Variants in HIPK2 observed in about 807,000 individuals in gnomAD.
HIPK2 encodes the protein homeodomain-interacting protein kinase 2.
A neutral mutation model predicts 113.7 loss-of-function variants in HIPK2; 27 were observed. The ratio of observed to expected loss-of-function variants is 0.24; its 90% CI spans 0.17 to 0.33. The LOEUF is 0.33. Ranked by LOEUF, HIPK2 falls within the 10% of genes least tolerant of loss-of-function variation. The pLI, the probability that HIPK2 is intolerant of heterozygous loss-of-function variation, is 1.00. For missense variants in HIPK2, 1,257 were observed against 1,588.0 expected (o/e 0.79, Z 3.54); for synonymous variants, 631 against 642.2 (o/e 0.98, Z 0.26).
intron 2 of HIPK2, among the ~76,000 whole-genome samples, chr7:139,650,857 CA>C (rs1245314340): frequency 6.6e-6 from 1 of 152,238 alleles, no homozygotes; most frequent in Non-Finnish European, 1.5e-5. Context: ...CTGGGAAGAA[CA>C]CCCTCCAGCC....
rs149149771 is a variant in HIPK2, at chr7:139,760,294, G to A, written c.19+17311C>T. On this transcript the variant is annotated intron_variant, in intron 1 of 14. Coordinates refer to ENST00000406875, the MANE Select transcript of HIPK2 (RefSeq NM_022740.5). ...GCTGGGATTACAGGCGTGAGCCACC[G>A]CACCCGGCCCACATCTACATAGTTT... Among the ~76,000 whole-genome samples the A allele has an allele frequency of 3.0e-3, 457 of 150,858 alleles. 2 individuals carry two copies. Among genetic ancestry groups the A allele is most frequent in the African/African-American group, 0.011 (439 of 40,212 alleles).
chr7:139,703,280 C>T (rs1211002316), intron 2 of HIPK2, among the ~76,000 whole-genome samples: 2 of 152,170 alleles, frequency 1.3e-5, no homozygotes, highest in African/African-American at 4.8e-5. Flanking sequence ...AGAACAGCCA[C>T]ATCATCCTAA....
chr7:139,763,557 G>A lies in HIPK2; in HGVS notation c.19+14048C>T, dbSNP rs943471349. Among the ~76,000 whole-genome samples, 42 of 148,378 alleles carry A rather than the reference G, an allele frequency of 2.8e-4. 1 individual carries two copies. The highest frequency in any genetic ancestry group is 1.0e-3 in the African/African-American group (41 of 40,210). Reference sequence around the variant, plus strand: ...TTCACTCTACAACTTCAGTAACGGCGGCAGAGACCAGATGGCCTGCAAAGC... The same window carrying A: ...TTCACTCTACAACTTCAGTAACGGCAGCAGAGACCAGATGGCCTGCAAAGC... On this transcript the variant is annotated intron_variant, in intron 1 of 14. Transcript: ENST00000406875.
At chr7:139,766,832 T>C in intron 1 of HIPK2, among the ~76,000 whole-genome samples, 1 of 152,176 alleles carries the variant, frequency 6.6e-6, no homozygotes, top group East Asian at 1.9e-4. Context: ...ATTGTGAGGA[T>C]GATATTTGGC....
At chr7:139,645,013 C>T (rs772297913) in intron 2 of HIPK2, among the ~76,000 whole-genome samples, 1 of 152,254 alleles carries the variant, frequency 6.6e-6, no homozygotes, top group Non-Finnish European at 1.5e-5. Context: ...ATTGCTTCAA[C>T]ATTTAGCTTC....
intron 1 of HIPK2, among the ~76,000 whole-genome samples, chr7:139,718,695 A>G (rs1049576372): frequency 3.3e-5 from 5 of 152,158 alleles, no homozygotes; most frequent in African/African-American, 1.2e-4. Flanking sequence ...ATTGGATCCA[A>G]GTATTTAGTA....
chr7:139,692,051 G>A (rs1212073700), intron 2 of HIPK2, among the ~76,000 whole-genome samples: 1 of 152,074 alleles, frequency 6.6e-6, no homozygotes. Flanking sequence ...AAGGTAACAG[G>A]TTTTTGATAT....
intron 2 of HIPK2, among the ~76,000 whole-genome samples, chr7:139,705,677 A>C (rs1417929495): frequency 6.6e-6 from 1 of 152,154 alleles, no homozygotes; most frequent in African/African-American, 2.4e-5. Flanking sequence ...TTTCTCTTTT[A>C]AGAAAAAAGA....
chr7:139,750,362 G>A (rs1796259604), intron 1 of HIPK2, among the ~76,000 whole-genome samples: 1 of 152,188 alleles, frequency 6.6e-6, no homozygotes, highest in Non-Finnish European at 1.5e-5. Flanking sequence ...AGCCTCAATT[G>A]ATGAGCTAGA....
intron 2 of HIPK2, among the ~76,000 whole-genome samples, chr7:139,648,295 G>A (rs555394892): frequency 6.6e-6 from 1 of 152,342 alleles, no homozygotes; most frequent in South Asian, 2.1e-4. Flanking sequence ...AGTCTTGCTT[G>A]TGTGAAAATC....
chr7:139,668,209 T>C (rs144607992), intron 2 of HIPK2, among the ~76,000 whole-genome samples: 228 of 151,408 alleles, frequency 1.5e-3, no homozygotes, highest in Non-Finnish European at 2.9e-3. Flanking sequence ...TATGCAATAA[T>C]AGATAACCTC....
Position 139,608,252 on chromosome 7 carries a change from CGTGT to C in HIPK2, c.2113-4033_2113-4030del, listed in dbSNP as rs55989071. 1.7e-3 allele frequency among the ~76,000 whole-genome samples: 238 copies of C among 136,966 alleles called. 1 individual carries two copies. The highest frequency in any genetic ancestry group is 5.3e-3 in the African/African-American group (194 of 36,696). 89.9% of individuals were successfully genotyped at this position (136,966 alleles called of 152,430 possible). A position where few individuals can be genotyped will look rare whatever the true frequency, so the allele number is the denominator to read the frequency against. ...AGCAAGGCTATGTCTCAAAAAAATA[CGTGT>C]GTGTGTGTGTGTGTGTGTGTGTGTG... On this transcript the variant is annotated intron_variant, in intron 9 of 14. Transcript: ENST00000406875.
At chr7:139,597,082 C>G (rs1474470262) in intron 11 of HIPK2, 84 bp from the exon 12 acceptor site, 11 of 1,425,982 alleles carry the variant, frequency 7.7e-6, no homozygotes, top group Non-Finnish European at 1.0e-5. Flanking sequence ...CTAGAAACAC[C>G]TGCTTTGCCA....
chr7:139,561,853 A>G lies in HIPK2; in HGVS notation c.*11074T>C, dbSNP rs1585210176. The G allele has an allele frequency of 3.3e-5, 5 of 152,230 alleles. No individual in the cohort carries two copies. The South Asian group carries it at 1.0e-3, about 32-fold the overall frequency. The allele number at this position is 152,230 out of a possible 1,614,324, so 9.4% of individuals were successfully genotyped here. A position where few individuals can be genotyped will look rare whatever the true frequency, so the allele number is the denominator to read the frequency against. Reference sequence around the variant, plus strand: ...GTTAAAATCATCTCATAAATTTACAATGCTATTATTAGTTTCCAAGACTAA... The same window carrying G: ...GTTAAAATCATCTCATAAATTTACAGTGCTATTATTAGTTTCCAAGACTAA... On this transcript the variant is annotated 3_prime_UTR_variant, in exon 15 of 15. Transcript: ENST00000406875.
At chr7:139,765,596 A>G (rs1036316740) in intron 1 of HIPK2, among the ~76,000 whole-genome samples, 3 of 152,206 alleles carry the variant, frequency 2.0e-5, no homozygotes, top group African/African-American at 7.2e-5. Context: ...TATTTTGAAC[A>G]TATTTTTGTC....
chr7:139,640,758 T>G (rs1405211225), intron 2 of HIPK2, among the ~76,000 whole-genome samples: 2 of 151,706 alleles, frequency 1.3e-5, no homozygotes, highest in African/African-American at 4.9e-5. Context: ...CAAGCAACCC[T>G]CCCTCCTCAG....
At chr7:139,694,118 G>C (rs1438172357) in intron 2 of HIPK2, among the ~76,000 whole-genome samples, 5 of 152,210 alleles carry the variant, frequency 3.3e-5, no homozygotes, top group Non-Finnish European at 7.3e-5. Context: ...ACTCAGTACA[G>C]AAGGTTTCTC....
chr7:139,685,585 T>C (rs1794190709), intron 2 of HIPK2, among the ~76,000 whole-genome samples: 1 of 152,214 alleles, frequency 6.6e-6, no homozygotes, highest in Non-Finnish European at 1.5e-5. Context: ...GCTTGCTCTC[T>C]TGTTAAGGGC....
At chr7:139,700,230 AC>A (rs1275884583) in intron 2 of HIPK2, among the ~76,000 whole-genome samples, 5 of 152,076 alleles carry the variant, frequency 3.3e-5, no homozygotes, top group Non-Finnish European at 7.4e-5. Flanking sequence ...TGCTGTGCAC[AC>A]CACAGCCTGG....
Sources: allele counts gnomAD v4.1 joint callset (sites outside exome capture counted in the v4.1 genomes callset), GRCh38; gene constraint gnomAD v4.1.1; transcripts MANE v1.5; gene names NCBI Gene and HGNC (gene_info 2026-07-23, HGNC 2026-07-21).